Variants in ALDH1A3 observed in about 807,000 individuals in gnomAD.
The protein encoded by ALDH1A3 is retinaldehyde dehydrogenase 3.
A neutral mutation model predicts 57.5 loss-of-function variants in ALDH1A3; 28 were observed. The ratio of observed to expected loss-of-function variants is 0.49; its 90% CI spans 0.36 to 0.67. The LOEUF (loss-of-function observed/expected upper bound fraction) is 0.67, where lower values mean the gene tolerates loss of function less well. ALDH1A3 is among the 30% of genes least tolerant of loss of function. The pLI, the probability that ALDH1A3 is intolerant of heterozygous loss-of-function variation, is 0.00. For synonymous variants in ALDH1A3, 281 were observed against 264.8 expected (o/e 1.06, Z -0.59); for missense variants, 507 against 669.4 (o/e 0.76, Z 2.68).
chr15:100,902,565 G>A (rs1022053485), intron 9 of ALDH1A3, among the ~76,000 whole-genome samples: 1 of 152,324 alleles, frequency 6.6e-6, no homozygotes, highest in Non-Finnish European at 1.5e-5. Context: ...ACTGAGCAAC[G>A]AGGCACATAA....
intron 7 of ALDH1A3, among the ~76,000 whole-genome samples, chr15:100,896,699 A>G (rs1221708405): frequency 6.6e-6 from 1 of 152,194 alleles, no homozygotes; most frequent in Non-Finnish European, 1.5e-5. Context: ...GCTCCATTTC[A>G]AAAAAAGAAA....
rs1420569307 is a variant in ALDH1A3 at position 100,914,839 on chromosome 15, GAA to G, written c.*72_*73del. ...ATGTGGCAGATGAAATGTGCTGGAG[GAA>G]AAAAATGACATTTCTGACCTTCCCG... On this transcript the variant is annotated 3_prime_UTR_variant, in exon 13 of 13. Coordinates refer to ENST00000329841, the MANE Select transcript of ALDH1A3 (RefSeq NM_000693.4). The G allele has an allele frequency of 1.3e-6, 2 of 1,489,174 alleles. No homozygotes were observed. Among genetic ancestry groups the G allele is most frequent in the African/African-American group, 2.8e-5 (2 of 72,040 alleles). The allele number at this position is 1,489,174 out of a possible 1,614,324, so 92.2% of individuals were successfully genotyped here. A position where few individuals can be genotyped will look rare whatever the true frequency, so the allele number is the denominator to read the frequency against.
At position 100,889,964 on chromosome 15, in the gene ALDH1A3, C is replaced by T. The variant is rs1306282607; in HGVS notation, c.345+2252C>T. ...TCCGTGCATGTTCATGGAGCGTGTT[C>T]TCTTGCCGGCTCAGTGGTTTGACAG... On this transcript the variant is annotated intron_variant, in intron 3 of 12. Transcript: ENST00000329841. The surrounding 1 kb of genome is among the most constrained non-coding windows in gnomAD (Gnocchi z 5.1). Among the ~76,000 whole-genome samples the T allele has an allele frequency of 2.6e-5, 4 of 152,224 alleles. No homozygotes were observed.
chr15:100,916,087 G>A lies in ALDH1A3; in HGVS notation c.*1314G>A, dbSNP rs955989862. On this transcript the variant is annotated 3_prime_UTR_variant, in exon 13 of 13. Transcript: ENST00000329841. ...GCTTAAGTTTGCAAATTAAGTTGGG[G>A]AGGGCAATAATAAAATGAGGGCCCG... The A allele has an allele frequency of 2.0e-5, 3 of 152,186 alleles. No individual in the cohort carries two copies. Among genetic ancestry groups the A allele is most frequent in the Non-Finnish European group, 4.4e-5 (3 of 68,022 alleles). The allele number at this position is 152,186 out of a possible 1,614,324, so 9.4% of individuals were successfully genotyped here. A position where few individuals can be genotyped will look rare whatever the true frequency, so the allele number is the denominator to read the frequency against.
intron 12 of ALDH1A3, among the ~76,000 whole-genome samples, chr15:100,912,442 ACT>A (rs749258620): frequency 3.3e-5 from 5 of 151,876 alleles, no homozygotes; most frequent in Non-Finnish European, 5.9e-5. Context: ...GGAAAATCAC[ACT>A]CTGATTTTCA....
intron 12 of ALDH1A3, among the ~76,000 whole-genome samples, chr15:100,909,555 G>T (rs975086279): frequency 1.5e-5 from 2 of 133,880 alleles, no homozygotes; most frequent in African/African-American, 2.8e-5. Context: ...TCCTCCGTGT[G>T]TGTAAACCCA....
At chr15:100,885,231 C>A in intron 1 of ALDH1A3, 36 bp from the exon 2 acceptor site, 1 of 1,448,376 alleles carries the variant, frequency 6.9e-7, no homozygotes, top group Non-Finnish European at 9.7e-7. Flanking sequence ...TGATTTTGAT[C>A]TAAACCTAAT....
intron 2 of ALDH1A3, among the ~76,000 whole-genome samples, chr15:100,886,953 C>T (rs924594707): frequency 1.3e-5 from 2 of 152,218 alleles, no homozygotes; most frequent in African/African-American, 4.8e-5. Flanking sequence ...AGACACTTCC[C>T]ACCTGATCTG....
At position 100,892,632 on chromosome 15, in the gene ALDH1A3, C is replaced by T; in HGVS notation, c.468C>T (p.Ile156=). 6.2e-7 allele frequency: 1 copy of T among 1,610,418 alleles called. No individual in the cohort carries two copies. Among genetic ancestry groups the T allele is most frequent in the Non-Finnish European group, 8.5e-7 (1 of 1,178,990 alleles). ...CAGACAAAATCCAGGGCAAGACCAT[C>T]CCCACAGGTGAGCAAGGTGGATTAT... The part of the protein sequence containing the change: ...GWADKIQGKT[I]PTDDNVVCFT... Residue 156 remains isoleucine, a synonymous_variant, in exon 4 of 13, where the codon ATC becomes ATT. Coordinates refer to ENST00000329841, the MANE Select transcript of ALDH1A3 (RefSeq NM_000693.4).
At chr15:100,897,641 C>G (rs2041720731) in intron 7 of ALDH1A3, among the ~76,000 whole-genome samples, 1 of 152,256 alleles carries the variant, frequency 6.6e-6, no homozygotes, top group Non-Finnish European at 1.5e-5. Flanking sequence ...CACCAAAGAG[C>G]CACACAGAAC....
At chr15:100,896,491 A>C (rs1052415360) in intron 7 of ALDH1A3, among the ~76,000 whole-genome samples, 1 of 152,158 alleles carries the variant, frequency 6.6e-6, no homozygotes, top group Non-Finnish European at 1.5e-5. Flanking sequence ...CATTAAGCTT[A>C]AACTAGTTTG....
At chr15:100,907,092 C>G in intron 10 of ALDH1A3, 29 bp from the exon 11 acceptor site, 4 of 1,608,306 alleles carry the variant, frequency 2.5e-6, no homozygotes, top group Non-Finnish European at 3.4e-6. Flanking sequence ...AGTCATGCCT[C>G]TCATTGCCAT....
chr15:100,909,049 G>T (rs539691471), intron 12 of ALDH1A3, among the ~76,000 whole-genome samples: 2 of 150,062 alleles, frequency 1.3e-5, no homozygotes, highest in South Asian at 2.1e-4. Context: ...CCCTCCATGC[G>T]CGTGCAAACC....
intron 3 of ALDH1A3, 49 bp from the exon 4 acceptor site, chr15:100,892,461 A>G (rs1396670324): frequency 6.2e-7 from 1 of 1,610,064 alleles, no homozygotes; most frequent in East Asian, 2.2e-5. Flanking sequence ...CTGACAGTGC[A>G]AAAGAAAAGC....
rs577585128 is a variant in ALDH1A3 at position 100,889,959 on chromosome 15, G to A, written c.345+2247G>A. Reference sequence around the variant, plus strand: ...TGGTTTCCGTGCATGTTCATGGAGCGTGTTCTCTTGCCGGCTCAGTGGTTT... The same window carrying A: ...TGGTTTCCGTGCATGTTCATGGAGCATGTTCTCTTGCCGGCTCAGTGGTTT... On this transcript the variant is annotated intron_variant, in intron 3 of 12. Coordinates refer to ENST00000329841, the MANE Select transcript of ALDH1A3 (RefSeq NM_000693.4). This position sits in a 1 kb window ranked among gnomAD's most constrained non-coding sequence, Gnocchi z 5.1. Among the ~76,000 whole-genome samples the A allele has an allele frequency of 7.2e-5, 11 of 152,328 alleles. No homozygotes were observed. Among genetic ancestry groups the A allele is most frequent in the South Asian group, 2.1e-4 (1 of 4,832 alleles).
Position 100,897,247 on chromosome 15 carries a change from G to C in ALDH1A3, c.781-836G>C, listed in dbSNP as rs8023972. On this transcript the variant is annotated intron_variant, in intron 7 of 12. Transcript: ENST00000329841. Reference sequence around the variant, plus strand: ...AAAATGCGCTCACACCTTAGCATTGGAGAAAACAGTCTCAGACCCGGAAGA... The same window carrying C: ...AAAATGCGCTCACACCTTAGCATTGCAGAAAACAGTCTCAGACCCGGAAGA... Among the ~76,000 whole-genome samples, 1,125 of 152,330 alleles carry C rather than the reference G, an allele frequency of 7.4e-3. 17 individuals are homozygous for C. Among genetic ancestry groups the C allele is most frequent in the African/African-American group, 0.025 (1,056 of 41,566 alleles).
At chr15:100,910,705 C>T (rs3803428) in intron 12 of ALDH1A3, among the ~76,000 whole-genome samples, 81,091 of 152,046 alleles carry the variant, frequency 0.53, 22,091 homozygotes, top group South Asian at 0.72. Flanking sequence ...CCAGGGTTTG[C>T]GTGGTCATTT....
chr15:100,910,487 C>T (rs374335170), intron 12 of ALDH1A3, among the ~76,000 whole-genome samples: 43 of 152,342 alleles, frequency 2.8e-4, no homozygotes, highest in East Asian at 2.3e-3. Context: ...GCAGCAGGCT[C>T]GGTTGAGCTC....
chr15:100,910,422 G>A (rs1034435034), intron 12 of ALDH1A3, among the ~76,000 whole-genome samples: 1 of 152,202 alleles, frequency 6.6e-6, no homozygotes, highest in Admixed American at 6.5e-5. Context: ...CCCCTCTTGG[G>A]CCCTCCAACA....
Sources: gnomAD v4.1 joint callset for allele counts (sites outside exome capture counted in the v4.1 genomes callset) on GRCh38, gnomAD v4.1.1 for gene constraint, Gnocchi (gnomAD v3.1) non-coding constraint, MANE v1.5 for transcripts, NCBI Gene and HGNC (gene_info 2026-07-23, HGNC 2026-07-21) for gene names.